KDM4B: variants seen among roughly 807,000 people sequenced by gnomAD.
The protein encoded by KDM4B is lysine-specific demethylase 4B.
In KDM4B, 32 loss-of-function variants were observed where a neutral mutation model predicts 125.2. The observed-to-expected ratio is 0.26, with a 90% CI of 0.19 to 0.34. KDM4B has a LOEUF of 0.34. Among genes scored for constraint, KDM4B ranks in the 10% least tolerant of loss-of-function variants. The pLI is 1.00. For missense variants in KDM4B, 1,190 were observed against 1,577.7 expected (o/e 0.75, Z 4.16); for synonymous variants, 721 against 677.9 (o/e 1.06, Z -0.99).
intron 18 of KDM4B, 27 bp downstream of exon 18, chr19:5,138,097 C>A: frequency 1.3e-6 from 2 of 1,558,038 alleles, no homozygotes; most frequent in East Asian, 2.3e-5. Context: ...GAGGCCCACC[C>A]TGCCCGTGCC....
chr19:5,039,472 G>T (rs1443880690), intron 3 of KDM4B, among the ~76,000 whole-genome samples: 3 of 151,864 alleles, frequency 2.0e-5, no homozygotes, highest in African/African-American at 7.3e-5. Context: ...AACAACAAAT[G>T]CCTCAAAATA....
Position 5,110,811 on chromosome 19 carries a change from C to T in KDM4B, c.1108C>T (p.Leu370Phe). The stretch of plus-strand genomic sequence containing the variant: ...CCGGGCCTCGCTGAAGGCCAAGCTC[C>T]TCCGCAGGTGAGTTGCCAAGGGACT... ...ASRASLKAKL[L>F]RRSHRKRSQP... The change falls in exon 10 of 23, where the codon CTC becomes TTC. Residue 370 changes from leucine (L) to phenylalanine (F), a missense_variant. Coordinates refer to ENST00000159111, the MANE Select transcript of KDM4B (RefSeq NM_015015.3). 1 of 1,580,642 alleles carries T rather than the reference C, an allele frequency of 6.3e-7. No homozygotes were observed. Among genetic ancestry groups the T allele is most frequent in the Admixed American group, 1.8e-5 (1 of 56,128 alleles).
At chr19:5,119,232 T>A (rs1365913785) in intron 10 of KDM4B, 5 of 1,493,314 alleles carry the variant, frequency 3.3e-6, no homozygotes, top group Non-Finnish European at 4.5e-6. Context: ...AAGTGTCTTT[T>A]TCGTTCCGTT....
chr19:5,077,696 T>C, intron 8 of KDM4B: 1 of 530,560 alleles, frequency 1.9e-6, no homozygotes, highest in Non-Finnish European at 3.3e-6. Context: ...TAACCTCCCC[T>C]CCCAAACCAA....
At chr19:5,088,614 A>C (rs1055484327) in intron 9 of KDM4B, among the ~76,000 whole-genome samples, 1 of 150,358 alleles carries the variant, frequency 6.7e-6, no homozygotes, top group African/African-American at 2.4e-5. Context: ...AGACCACCGG[A>C]GTCCCTGAGG....
rs754117094 is a variant in KDM4B, at chr19:5,131,295, A to T, written c.1535A>T (p.Glu512Val). The stretch of plus-strand genomic sequence containing the variant: ...GCACCCCTTAATGTCGTGCCCCCTG[A>T]GGTGCCCAGTGAGGAGCTAGAGGCC... ...LPAPLNVVPP[E>V]VPSEELEAKP... Residue 512 changes from glutamate (E) to valine (V), a missense_variant, in exon 12 of 23, where the codon GAG becomes GTG. Physicochemically the swap from Glu to Val is moderately radical, Grantham distance 121. Transcript: ENST00000159111. 3.7e-6 allele frequency: 6 copies of T among 1,612,056 alleles called. No homozygotes were observed. The South Asian group carries it at 6.6e-5, about 18-fold the overall frequency.
chr19:5,024,031 G>A (rs1221075671), intron 2 of KDM4B, among the ~76,000 whole-genome samples: 6 of 152,202 alleles, frequency 3.9e-5, no homozygotes, highest in South Asian at 2.1e-4. Flanking sequence ...GGTCACAGGC[G>A]TGAGCCCCTG....
intron 6 of KDM4B, among the ~76,000 whole-genome samples, chr19:5,058,148 C>A (rs890750866): frequency 2.0e-5 from 3 of 152,242 alleles, no homozygotes; most frequent in African/African-American, 7.2e-5. Flanking sequence ...GGTGAGACTT[C>A]TCTTTCCTGC....
intron 14 of KDM4B, among the ~76,000 whole-genome samples, chr19:5,134,311 A>AGGCTCGGGG (rs1227612856): frequency 6.6e-6 from 1 of 152,044 alleles, no homozygotes; most frequent in Non-Finnish European, 1.5e-5. Flanking sequence ...GAGGCTGCGG[A>AGGCTCGGGG]GGCTCGGGGT....
chr19:5,020,010 ACGGTGTGCAGG>A (rs2036052713), intron 2 of KDM4B, among the ~76,000 whole-genome samples: 1 of 80,304 alleles, frequency 1.2e-5, no homozygotes, highest in African/African-American at 5.0e-5. Context: ...GCTGCTGTGG[ACGGTGTGCAGG>A]TGTTGGTGTG....
At chr19:5,075,451 A>G (rs1440940772) in intron 7 of KDM4B, 1 of 152,284 alleles carries the variant, frequency 6.6e-6, no homozygotes, top group East Asian at 1.9e-4. Context: ...TGTGCTAATT[A>G]GGAAGCTTGG....
At chr19:4,999,766 C>T (rs149568825) in intron 1 of KDM4B, among the ~76,000 whole-genome samples, 1 of 146,856 alleles carries the variant, frequency 6.8e-6, no homozygotes, top group African/African-American at 2.5e-5. Context: ...TCCATCCATC[C>T]ATCCACCCAC....
intron 1 of KDM4B, among the ~76,000 whole-genome samples, chr19:4,993,226 A>G (rs2035083996): frequency 6.6e-6 from 1 of 152,128 alleles, no homozygotes; most frequent in African/African-American, 2.4e-5. Flanking sequence ...CCTGGCCAAC[A>G]AGGCAAAACC....
chr19:4,996,269 C>T (rs940908630), intron 1 of KDM4B, among the ~76,000 whole-genome samples: 1 of 152,162 alleles, frequency 6.6e-6, no homozygotes, highest in South Asian at 2.1e-4. Flanking sequence ...GGATTATAGG[C>T]GTGAGCTACT....
intron 4 of KDM4B, 42 bp from the exon 5 acceptor site, chr19:5,041,095 C>T: frequency 7.1e-7 from 1 of 1,411,702 alleles, no homozygotes; most frequent in Non-Finnish European, 1.0e-6. Context: ...GCGTAGCACC[C>T]AGGCCTCACC....
chr19:5,022,796 G>A (rs2036163909), intron 2 of KDM4B, among the ~76,000 whole-genome samples: 1 of 152,040 alleles, frequency 6.6e-6, no homozygotes, highest in South Asian at 2.1e-4. Flanking sequence ...CAGTTTACCC[G>A]AGGTGTGCCG....
At chr19:5,030,642 A>G (rs909896317) in intron 2 of KDM4B, among the ~76,000 whole-genome samples, 5 of 152,224 alleles carry the variant, frequency 3.3e-5, no homozygotes, top group African/African-American at 1.2e-4. Context: ...CCAGCTGCCA[A>G]AGCGCAGGGG....
At chr19:5,085,473 C>A (rs937314025) in intron 9 of KDM4B, among the ~76,000 whole-genome samples, 1 of 152,164 alleles carries the variant, frequency 6.6e-6, no homozygotes. Context: ...TGCAGCGGGG[C>A]GGTGGGGACT....
In KDM4B at chr19:5,137,314, G is replaced by A. The variant is rs1488650628; in HGVS notation, c.2361G>A (p.Arg787=). ...ELVNEGWTCS[R]CAAHAWTAEC... is the part of the protein sequence containing the mutation. The stretch of plus-strand genomic sequence containing the variant: ...TCAATGAAGGCTGGACGTGTTCCCG[G>A]TGCGCGGCCCACGCCTGGACTGCGG... Residue 787 remains arginine (R), a synonymous_variant, in exon 16 of 23, where the codon CGG becomes CGA. Coordinates refer to ENST00000159111, the MANE Select transcript of KDM4B (RefSeq NM_015015.3). 2.5e-6 allele frequency: 4 copies of A among 1,578,122 alleles called. No individual in the cohort carries two copies. Among genetic ancestry groups the A allele is most frequent in the Middle Eastern group, 3.3e-4 (2 of 6,048 alleles).
Sources: gnomAD v4.1 joint callset for allele counts (sites outside exome capture counted in the v4.1 genomes callset) on GRCh38, gnomAD v4.1.1 for gene constraint, MANE v1.5 for transcripts, NCBI Gene and HGNC (gene_info 2026-07-23, HGNC 2026-07-21) for gene names.